STAMBP: variants seen among roughly 807,000 people sequenced by gnomAD.
STAMBP encodes STAM-binding protein.
In STAMBP, 31 loss-of-function variants were observed where a neutral mutation model predicts 50.7. The ratio of observed to expected loss-of-function variants is 0.61; its 90% CI spans 0.46 to 0.83. The LOEUF is 0.83. Among genes scored for constraint, STAMBP ranks in the 40% least tolerant of loss-of-function variants. The probability of loss-of-function intolerance (pLI) is 0.00; values close to 1 mark genes in which losing one functional copy is unlikely to be tolerated. For missense variants in STAMBP, 472 were observed against 518.9 expected (o/e 0.91, Z 0.88); for synonymous variants, 211 against 192.4 (o/e 1.10, Z -0.80).
At position 73,850,727 on chromosome 2, in the gene STAMBP, T is replaced by A. The variant is rs1676706680; in HGVS notation, c.1005+214T>A. On this transcript the variant is annotated intron_variant, in intron 7 of 9. Coordinates refer to ENST00000394070, the MANE Select transcript of STAMBP (RefSeq NM_213622.4). This position sits in a 1 kb window ranked among gnomAD's most constrained non-coding sequence, Gnocchi z 4.3. ...TAAATTTTTTTAACTTTTTATTTATTTTTTAGTAAAAATAAACTGTTTTCC... is the reference window on the plus strand; with the variant it reads ...TAAATTTTTTTAACTTTTTATTTATATTTTAGTAAAAATAAACTGTTTTCC... Among the ~76,000 whole-genome samples, 1 of 152,240 alleles carries A rather than the reference T, an allele frequency of 6.6e-6. No individual in the cohort carries two copies. Among genetic ancestry groups the A allele is most frequent in the Admixed American group, 6.5e-5 (1 of 15,284 alleles).
At chr2:73,855,844 T>C (rs1677485501) in intron 7 of STAMBP, among the ~76,000 whole-genome samples, 1 of 152,072 alleles carries the variant, frequency 6.6e-6, no homozygotes, top group Non-Finnish European at 1.5e-5. Context: ...TTTCTAGGAG[T>C]GGGGTGCAGG....
At chr2:73,847,829 A>G (rs987443220) in intron 5 of STAMBP, 76 bp downstream of exon 5, 1 of 1,521,218 alleles carries the variant, frequency 6.6e-7, no homozygotes, top group Non-Finnish European at 8.8e-7. Flanking sequence ...TCAACCTAAG[A>G]TTACCTCCCT....
At position 73,832,108 on chromosome 2, in the gene STAMBP, T is replaced by TATATATATATATATATATATATATATAC. The variant is rs1006072205; in HGVS notation, c.203+1050_203+1051insTATATATATATATATATATATATATACA. On this transcript the variant is annotated intron_variant, in intron 2 of 9. Coordinates refer to ENST00000394070, the MANE Select transcript of STAMBP (RefSeq NM_213622.4). ...ACATATATATATATATATATATATA[T>TATATATATATATATATATATATATATAC]ACACATATATATGGTGCACAATTCA... Among the ~76,000 whole-genome samples, 191 of 122,638 alleles carry TATATATATATATATATATATATATATAC rather than the reference T, an allele frequency of 1.6e-3. 5 individuals carry two copies. The highest frequency in any genetic ancestry group is 3.6e-3 in the African/African-American group (101 of 28,430). The allele number at this position is 122,638 out of a possible 152,430, so 80.5% of individuals were successfully genotyped here.
intron 6 of STAMBP, 141 bp downstream of exon 6, chr2:73,849,628 A>T: frequency 8.6e-7 from 1 of 1,168,596 alleles, no homozygotes; most frequent in Non-Finnish European, 1.2e-6. Context: ...ATTTCATGTC[A>T]CTTTGAATTT....
chr2:73,839,119 G>A lies in STAMBP; in HGVS notation c.204-5694G>A, dbSNP rs1371888546. ...GAATCATTGTTCTAGACCTTTTGTG[G>A]ATACTTTCTTTACTTCAGGGTTTTA... On this transcript the variant is annotated intron_variant, in intron 2 of 9. Coordinates refer to ENST00000394070, the MANE Select transcript of STAMBP (RefSeq NM_213622.4). 3.3e-5 allele frequency among the ~76,000 whole-genome samples: 5 copies of A among 152,262 alleles called. No homozygotes were observed. In the East Asian group the frequency reaches 9.6e-4, roughly 29 times the overall value.
At chr2:73,834,246 T>A (rs1221328133) in intron 2 of STAMBP, among the ~76,000 whole-genome samples, 165 of 14,488 alleles carry the variant, frequency 0.011, 8 homozygotes, top group South Asian at 0.039. Context: ...AATATATATA[T>A]ATATATATAT....
At chr2:73,854,785 C>G (rs764559912) in intron 7 of STAMBP, among the ~76,000 whole-genome samples, 49 of 151,986 alleles carry the variant, frequency 3.2e-4, no homozygotes, top group Non-Finnish European at 6.0e-4. Flanking sequence ...GCCAGGAGTT[C>G]AAGACCAGCC....
intron 2 of STAMBP, among the ~76,000 whole-genome samples, chr2:73,835,540 G>T (rs1221250573): frequency 3.3e-5 from 5 of 152,122 alleles, no homozygotes; most frequent in Non-Finnish European, 5.9e-5. Context: ...CAAGCGTTAA[G>T]AGAAGGCAGG....
At chr2:73,836,850 C>T (rs1227843238) in intron 2 of STAMBP, among the ~76,000 whole-genome samples, 1 of 152,172 alleles carries the variant, frequency 6.6e-6, no homozygotes, top group Admixed American at 6.5e-5. Flanking sequence ...GGGCCAGGGG[C>T]TGGGGAAGAA....
chr2:73,849,330 T>A (rs1386160069), intron 5 of STAMBP, 33 bp from the exon 6 acceptor site: 13 of 1,612,290 alleles, frequency 8.1e-6, no homozygotes, highest in Non-Finnish European at 1.0e-5. Context: ...CAGGGCTCAG[T>A]GGTCGCAGAC....
chr2:73,835,170 A>G (rs1674556864), intron 2 of STAMBP, among the ~76,000 whole-genome samples: 1 of 152,148 alleles, frequency 6.6e-6, no homozygotes, highest in African/African-American at 2.4e-5. Flanking sequence ...CCTGGCCAAC[A>G]TGGTGATACC....
chr2:73,865,040 G>A lies in STAMBP; in HGVS notation c.*2781G>A, dbSNP rs1026255958. 3 of 152,218 alleles carry A rather than the reference G, an allele frequency of 2.0e-5. No individual in the cohort carries two copies. The highest frequency in any genetic ancestry group is 4.4e-5 in the Non-Finnish European group (3 of 68,048). 9.4% of individuals were successfully genotyped at this position (152,218 alleles called of 1,614,324 possible). A position where few individuals can be genotyped will look rare whatever the true frequency, so the allele number is the denominator to read the frequency against. ...CATTCCCTTGGGCCAGTGTCATGGT[G>A]GATTTTCTTGCTTGAGAGGCAAGGA... On this transcript the variant is annotated 3_prime_UTR_variant, in exon 10 of 10. Transcript: ENST00000394070.
chr2:73,846,873 G>A (rs1676146331), intron 4 of STAMBP, among the ~76,000 whole-genome samples: 1 of 152,062 alleles, frequency 6.6e-6, no homozygotes, highest in African/African-American at 2.4e-5. Flanking sequence ...TTTGAGCCCA[G>A]GAGTTCAAGA....
At chr2:73,849,615 A>G in intron 6 of STAMBP, 128 bp downstream of exon 6, 5 of 1,231,898 alleles carry the variant, frequency 4.1e-6, no homozygotes, top group Non-Finnish European at 5.5e-6. Context: ...CGTGGACTGC[A>G]TAATTTCATG....
downstream of STAMBP, among the ~76,000 whole-genome samples, chr2:73,869,349 C>G (rs971981208): frequency 1.3e-5 from 2 of 149,404 alleles, no homozygotes; most frequent in African/African-American, 4.8e-5. Flanking sequence ...TGAAGAAAAC[C>G]AGTAAGCTTT....
At position 73,866,951 on chromosome 2, in the gene STAMBP, T is replaced by G. The variant is rs1162488009; in HGVS notation, c.*4692T>G. 6.6e-6 allele frequency: 1 copy of G among 152,222 alleles called. No homozygotes were observed. Among genetic ancestry groups the G allele is most frequent in the Non-Finnish European group, 1.5e-5 (1 of 68,066 alleles). 9.4% of individuals were successfully genotyped at this position (152,222 alleles called of 1,614,324 possible). ...CAGAGGCCTTTCCTGACAACCCCAT[T>G]TTAAGCACCTCTTCCCCATCACTCT... On this transcript the variant is annotated 3_prime_UTR_variant, in exon 10 of 10. Coordinates refer to ENST00000394070, the MANE Select transcript of STAMBP (RefSeq NM_213622.4).
intron 4 of STAMBP, 140 bp downstream of exon 4, chr2:73,845,402 A>G (rs1316510048): frequency 2.1e-5 from 13 of 633,352 alleles, no homozygotes; most frequent in Non-Finnish European, 3.6e-5. Flanking sequence ...AACTCAAAAA[A>G]GTAGAACACC....
intron 2 of STAMBP, among the ~76,000 whole-genome samples, chr2:73,832,084 C>CATATGTATATATATATAT (rs1553376117): frequency 8.4e-6 from 1 of 118,520 alleles, no homozygotes; most frequent in African/African-American, 3.6e-5. Flanking sequence ...GAGTAGGTAA[C>CATATGTATATATATATAT]ATATATATAT....
intron 2 of STAMBP, among the ~76,000 whole-genome samples, chr2:73,839,820 A>T (rs185447728): frequency 6.6e-6 from 1 of 152,234 alleles, no homozygotes; most frequent in East Asian, 1.9e-4. Flanking sequence ...GGATCTTACC[A>T]CGTATTCTGT....
Sources: gnomAD v4.1 joint callset for allele counts (sites outside exome capture counted in the v4.1 genomes callset) on GRCh38, gnomAD v4.1.1 for gene constraint, Gnocchi (gnomAD v3.1) non-coding constraint, MANE v1.5 for transcripts, NCBI Gene and HGNC (gene_info 2026-07-23, HGNC 2026-07-21) for gene names.